Variants in DOCK4 observed in about 807,000 individuals in gnomAD.
DOCK4 encodes dedicator of cytokinesis 4.
DOCK4 carries 97 observed loss-of-function variants against 268.1 expected under a neutral mutation model. That is an observed-to-expected ratio of 0.36 (90% CI 0.31 to 0.43). The LOEUF (loss-of-function observed/expected upper bound fraction) is 0.43. Ranked by LOEUF, DOCK4 falls within the 20% of genes least tolerant of loss-of-function variation. The pLI is 1.00. For synonymous variants in DOCK4, 954 were observed against 887.2 expected (o/e 1.08, Z -1.34); for missense variants, 2,145 against 2,455.7 (o/e 0.87, Z 2.67).
intron 27 of DOCK4, among the ~76,000 whole-genome samples, chr7:111,812,576 G>A: frequency 6.6e-6 from 1 of 152,170 alleles, no homozygotes. Flanking sequence ...TTCCATATTT[G>A]ATTATCATAA....
At chr7:112,113,887 C>T (rs963448088) in intron 1 of DOCK4, among the ~76,000 whole-genome samples, 1 of 151,656 alleles carries the variant, frequency 6.6e-6, no homozygotes, top group Non-Finnish European at 1.5e-5. Flanking sequence ...AGCCACCATG[C>T]TTCGCCTGGA....
In DOCK4 at chr7:111,912,954, G is replaced by A. The variant is rs1357370648; in HGVS notation, c.1192+2825C>T. ...ATTTTAGAAATTAAAATTTTTTAGAGCATAGAAATTTCCTTTTTTTTTTTT... is the reference window on the plus strand; with the variant it reads ...ATTTTAGAAATTAAAATTTTTTAGAACATAGAAATTTCCTTTTTTTTTTTT... On this transcript the variant is annotated intron_variant, in intron 13 of 52. Coordinates refer to ENST00000428084, the MANE Select transcript of DOCK4 (RefSeq NM_001363540.2). Among the ~76,000 whole-genome samples the A allele has an allele frequency of 2.0e-5, 3 of 151,146 alleles. No individual in the cohort carries two copies. The East Asian group carries it at 5.8e-4, about 29-fold the overall frequency.
intron 1 of DOCK4, among the ~76,000 whole-genome samples, chr7:112,054,463 T>A (rs1805644678): frequency 6.6e-6 from 1 of 152,158 alleles, no homozygotes; most frequent in South Asian, 2.1e-4. Context: ...ACTGACCTTG[T>A]AGCCAAAGAC....
chr7:111,879,613 T>A (rs765589727), intron 16 of DOCK4, among the ~76,000 whole-genome samples: 9 of 152,192 alleles, frequency 5.9e-5, no homozygotes, highest in Non-Finnish European at 1.3e-4. Context: ...TCTGGCAGCA[T>A]TCACCACAAG....
At chr7:111,959,126 T>C (rs892353862) in intron 8 of DOCK4, among the ~76,000 whole-genome samples, 61 of 151,510 alleles carry the variant, frequency 4.0e-4, no homozygotes, top group African/African-American at 1.5e-3. Flanking sequence ...CGAGGGAAGG[T>C]CGCTGTGGGT....
chr7:111,728,357 A>G lies in DOCK4; in HGVS notation c.5845T>C (p.Ser1949Pro). 1 of 1,523,644 alleles carries G rather than the reference A, an allele frequency of 6.6e-7. No homozygotes were observed. The highest frequency in any genetic ancestry group is 2.2e-5 in the Admixed American group (1 of 45,914). 94.4% of individuals were successfully genotyped at this position (1,523,644 alleles called of 1,614,324 possible). A position where few individuals can be genotyped will look rare whatever the true frequency, so the allele number is the denominator to read the frequency against. The change falls in exon 53 of 53, where the codon TCC becomes CCC. Residue 1949 changes from serine to proline, a missense_variant. Physicochemically the swap from Ser to Pro is moderately conservative, Grantham distance 74. This residue lies in a region of DOCK4 where 547 missense variants were observed against 469.0 expected (regional missense o/e 1.17). Coordinates refer to ENST00000428084, the MANE Select transcript of DOCK4 (RefSeq NM_001363540.2). Reference protein sequence around the residue: ...ALPPKPLAARSSHLENGARRT... With the variant: ...ALPPKPLAARPSHLENGARRT... ...CGGGCCCCATTCTCCAGGTGGCTGG[A>G]TCGCGCTGCCAGAGGCTTGGGGGGC... is the stretch of plus-strand genomic sequence containing the variant.
intron 12 of DOCK4, among the ~76,000 whole-genome samples, chr7:111,924,269 T>G (rs1793408248): frequency 6.6e-6 from 1 of 152,222 alleles, no homozygotes; most frequent in Non-Finnish European, 1.5e-5. Flanking sequence ...TGGGTGTTGT[T>G]TTTTTCACAG....
intron 27 of DOCK4, among the ~76,000 whole-genome samples, chr7:111,817,381 T>C (rs902205496): frequency 2.0e-5 from 3 of 151,900 alleles, no homozygotes; most frequent in Non-Finnish European, 2.9e-5. Flanking sequence ...CACTCAAGTT[T>C]TCAGGGTCAG....
chr7:111,791,099 T>TATATAA lies in DOCK4; in HGVS notation c.3167-495_3167-494insTTATAT, dbSNP rs1289561664. Among the ~76,000 whole-genome samples, 46 of 137,452 alleles carry TATATAA rather than the reference T, an allele frequency of 3.3e-4. 1 individual carries two copies. The highest frequency in any genetic ancestry group is 5.2e-4 in the Non-Finnish European group (34 of 64,852). The allele number at this position is 137,452 out of a possible 152,430, so 90.2% of individuals were successfully genotyped here. On this transcript the variant is annotated intron_variant, in intron 30 of 52. Transcript: ENST00000428084. ...ATATATATATATATATATATATATATAAAATAAATCATCAGGAATTGGTTA... is the reference window on the plus strand; with the variant it reads ...ATATATATATATATATATATATATATATATAAAAAATAAATCATCAGGAATTGGTTA...
chr7:112,038,950 T>G (rs917627798), intron 1 of DOCK4, among the ~76,000 whole-genome samples: 2 of 152,192 alleles, frequency 1.3e-5, no homozygotes, highest in African/African-American at 2.4e-5. Flanking sequence ...ACCAGCAAAT[T>G]TATCCATGGC....
chr7:111,833,974 T>C (rs1298177931), intron 26 of DOCK4, among the ~76,000 whole-genome samples: 1 of 152,196 alleles, frequency 6.6e-6, no homozygotes, highest in Non-Finnish European at 1.5e-5. Context: ...GATCATATCA[T>C]TCCTCCAACT....
rs777618808 is a variant in DOCK4, at chr7:111,811,900, A to G, written c.2980T>C (p.Phe994Leu). The G allele has an allele frequency of 6.6e-6, 10 of 1,526,482 alleles. No homozygotes were observed. The highest frequency in any genetic ancestry group is 8.9e-6 in the Non-Finnish European group (10 of 1,126,210). 94.6% of individuals were successfully genotyped at this position (1,526,482 alleles called of 1,614,324 possible). A position where few individuals can be genotyped will look rare whatever the true frequency, so the allele number is the denominator to read the frequency against. Residue 994 changes from phenylalanine to leucine, a missense_variant, in exon 28 of 53, where the codon TTC becomes CTC. Physicochemically the swap from Phe to Leu is conservative, Grantham distance 22. Transcript: ENST00000428084. The part of the protein sequence containing the change: ...LYLSDALRKN[F>L]LNENFDYKIW... ...TTATAATCAAAGTTTTCATTTAAGA[A>G]GTTCTTACGAAGTGCATCTGAGAGG...
At chr7:111,885,950 A>G (rs1400216379) in intron 16 of DOCK4, among the ~76,000 whole-genome samples, 1 of 152,244 alleles carries the variant, frequency 6.6e-6, no homozygotes, top group Non-Finnish European at 1.5e-5. Flanking sequence ...CAGTTGGTAC[A>G]GCAATGAATA....
At chr7:111,871,192 C>T (rs1254717680) in intron 20 of DOCK4, among the ~76,000 whole-genome samples, 1 of 152,180 alleles carries the variant, frequency 6.6e-6, no homozygotes, top group African/African-American at 2.4e-5. Context: ...CAGGCATGTG[C>T]ATGCCCACAG....
At chr7:111,953,415 C>T (rs915589568) in intron 8 of DOCK4, among the ~76,000 whole-genome samples, 2 of 152,192 alleles carry the variant, frequency 1.3e-5, no homozygotes, top group East Asian at 1.9e-4. Context: ...AGAATACAAA[C>T]GTAAGGTGAT....
chr7:111,879,966 A>G lies in DOCK4; in HGVS notation c.1588-2780T>C, dbSNP rs191374882. The stretch of plus-strand genomic sequence containing the variant: ...CTTCAAAAGTGCAAATCTAAGAGTT[A>G]TTGGTCTTAAAGAGGAGGTAGAGAA... On this transcript the variant is annotated intron_variant, in intron 16 of 52. Coordinates refer to ENST00000428084, the MANE Select transcript of DOCK4 (RefSeq NM_001363540.2). Among the ~76,000 whole-genome samples, 66 of 152,326 alleles carry G rather than the reference A, an allele frequency of 4.3e-4. No homozygotes were observed. The East Asian group carries it at 0.011, about 26-fold the overall frequency.
At chr7:111,998,240 T>C (rs1800124543) in intron 4 of DOCK4, among the ~76,000 whole-genome samples, 1 of 152,168 alleles carries the variant, frequency 6.6e-6, no homozygotes, top group Non-Finnish European at 1.5e-5. Context: ...CTCCAGTCTC[T>C]CAGATCCTCT....
intron 25 of DOCK4, among the ~76,000 whole-genome samples, chr7:111,839,801 C>A (rs993441208): frequency 2.0e-5 from 3 of 152,050 alleles, no homozygotes; most frequent in Non-Finnish European, 2.9e-5. Context: ...TGCTCTATTT[C>A]TTAAACTTAA....
intron 8 of DOCK4, among the ~76,000 whole-genome samples, chr7:111,960,855 G>C (rs1310845610): frequency 6.6e-6 from 1 of 152,116 alleles, no homozygotes; most frequent in East Asian, 1.9e-4. Context: ...CAAAATGACA[G>C]AGTTTCCTTC....
Sources: gnomAD v4.1 joint callset for allele counts (sites outside exome capture counted in the v4.1 genomes callset) on GRCh38, gnomAD v4.1.1 for gene constraint, gnomAD v4.1.1 regional missense constraint, MANE v1.5 for transcripts, NCBI Gene and HGNC (gene_info 2026-07-23, HGNC 2026-07-21) for gene names.